The following NFASC variants were observed in gnomAD, a reference collection of about 807,000 sequenced individuals.
NFASC encodes neurofascin homolog.
A neutral mutation model predicts 147.5 loss-of-function variants in NFASC; 43 were observed. The ratio of observed to expected loss-of-function variants is 0.29; its 90% CI spans 0.23 to 0.38. The LOEUF (loss-of-function observed/expected upper bound fraction) is 0.38, where lower values mean the gene tolerates loss of function less well. Among genes scored for constraint, NFASC ranks in the 10% least tolerant of loss-of-function variants. NFASC has a pLI of 1.00. For synonymous variants in NFASC, 622 were observed against 665.5 expected, an observed-to-expected ratio of 0.93 and a Z score of 1.01; for missense variants, 1,320 against 1,689.0, an observed-to-expected ratio of 0.78 and a Z score of 3.83.
chr1:204,865,082 G>A lies in NFASC; in HGVS notation c.-200+36300G>A, dbSNP rs116916677. On this transcript the variant is annotated intron_variant, in intron 1 of 29. Coordinates refer to ENST00000339876, the MANE Select transcript of NFASC (RefSeq NM_001005388.3). ...TGGTTTTAGCACTCATATTTGGGTTGTTGACCCATTTTTGACTCAGTTTTT... is the reference window on the plus strand; with the variant it reads ...TGGTTTTAGCACTCATATTTGGGTTATTGACCCATTTTTGACTCAGTTTTT... 2.1e-3 allele frequency among the ~76,000 whole-genome samples: 322 copies of A among 152,156 alleles called. 7 individuals are homozygous for A. Among genetic ancestry groups the A allele is most frequent in the East Asian group, 0.016 (85 of 5,184 alleles).
chr1:204,916,185 C>T (rs1233240291), intron 1 of NFASC, among the ~76,000 whole-genome samples: 2 of 152,158 alleles, frequency 1.3e-5, no homozygotes, highest in African/African-American at 4.8e-5. Flanking sequence ...TTGCTGTGAC[C>T]CAGAGCTGCT....
intron 2 of NFASC, among the ~76,000 whole-genome samples, chr1:204,943,319 A>G (rs1488124038): frequency 6.6e-6 from 1 of 152,178 alleles, no homozygotes; most frequent in Non-Finnish European, 1.5e-5. Context: ...GAGGAGGAGA[A>G]GAAAGGTTTG....
At chr1:204,953,607 C>T (rs903812479) in intron 5 of NFASC, among the ~76,000 whole-genome samples, 8 of 152,306 alleles carry the variant, frequency 5.3e-5, no homozygotes, top group African/African-American at 1.9e-4. Context: ...AAAGCTGCCA[C>T]TCTTGGGCTA....
At chr1:204,908,040 G>T (rs2149288760) in intron 1 of NFASC, among the ~76,000 whole-genome samples, 1 of 152,224 alleles carries the variant, frequency 6.6e-6, no homozygotes, top group Middle Eastern at 3.4e-3. Flanking sequence ...AGAGTGCAGT[G>T]GTGCAACCAT....
At chr1:205,006,389 C>T (rs949513799) in intron 27 of NFASC, among the ~76,000 whole-genome samples, 26 of 152,186 alleles carry the variant, frequency 1.7e-4, no homozygotes, top group Non-Finnish European at 3.1e-4. Flanking sequence ...CACTGCATGG[C>T]GCAGCTGGGG....
At chr1:204,907,780 G>T (rs1406421446) in intron 1 of NFASC, among the ~76,000 whole-genome samples, 3 of 152,202 alleles carry the variant, frequency 2.0e-5, no homozygotes, top group Admixed American at 6.5e-5. Context: ...CTTAGCAAAA[G>T]AAGTTATCAA....
chr1:204,867,387 A>G (rs1343413622), intron 1 of NFASC, among the ~76,000 whole-genome samples: 2 of 149,134 alleles, frequency 1.3e-5, no homozygotes, highest in Non-Finnish European at 3.0e-5. Context: ...ATCAAAACAC[A>G]TAGTCATACT....
chr1:204,884,332 C>T (rs1241066630), intron 1 of NFASC, among the ~76,000 whole-genome samples: 1 of 152,100 alleles, frequency 6.6e-6, no homozygotes, highest in Non-Finnish European at 1.5e-5. Context: ...GCTGCTTTTT[C>T]CACCTCCCTC....
intron 1 of NFASC, among the ~76,000 whole-genome samples, chr1:204,877,010 A>ATATATATATATAATATATATT (rs2078968371): frequency 9.0e-6 from 1 of 111,030 alleles, no homozygotes; most frequent in African/African-American, 4.1e-5. Context: ...ATATATATAT[A>ATATATATATATAATATATATT]TATATATATA....
At chr1:204,847,326 TA>T (rs2075268262) in intron 1 of NFASC, among the ~76,000 whole-genome samples, 3 of 152,214 alleles carry the variant, frequency 2.0e-5, no homozygotes, top group African/African-American at 7.2e-5. Context: ...ACATTCTACT[TA>T]CGACATTTTT....
chr1:204,877,508 G>C (rs1287032190), intron 1 of NFASC, among the ~76,000 whole-genome samples: 4 of 152,092 alleles, frequency 2.6e-5, no homozygotes, highest in African/African-American at 9.7e-5. Flanking sequence ...CTTTAGGAAG[G>C]AAACTCTGAT....
intron 2 of NFASC, among the ~76,000 whole-genome samples, chr1:204,923,068 G>A (rs1441319292): frequency 6.6e-6 from 1 of 152,200 alleles, no homozygotes; most frequent in Admixed American, 6.5e-5. Context: ...AAAGGGCCTG[G>A]ATTCAAATCC....
At chr1:204,923,129 C>T (rs932826964) in intron 2 of NFASC, among the ~76,000 whole-genome samples, 1 of 152,232 alleles carries the variant, frequency 6.6e-6, no homozygotes, top group African/African-American at 2.4e-5. Flanking sequence ...TTGGGGCTGG[C>T]TGTGTATTTA....
chr1:204,968,420 T>A lies in NFASC; in HGVS notation c.818+60T>A. On this transcript the variant is annotated intron_variant, in intron 9 of 29. Coordinates refer to ENST00000339876, the MANE Select transcript of NFASC (RefSeq NM_001005388.3). This position sits in a 1 kb window ranked among gnomAD's most constrained non-coding sequence, Gnocchi z 5.4. ...CTCCAGGAGGATGGGGATGGGAGCT[T>A]GTTCATGCTCTTGTTAATGCCACAT... 5.5e-6 allele frequency: 7 copies of A among 1,276,596 alleles called. No homozygotes were observed. Among genetic ancestry groups the A allele is most frequent in the Non-Finnish European group, 8.0e-6 (7 of 875,166 alleles). 79.1% of individuals were successfully genotyped at this position (1,276,596 alleles called of 1,614,324 possible).
intron 16 of NFASC, chr1:204,977,231 A>T (rs2095425677): frequency 4.2e-6 from 2 of 474,988 alleles, no homozygotes; most frequent in African/African-American, 2.1e-5. Context: ...GTAGCGTTTC[A>T]TCACATGCTA....
At chr1:204,926,722 A>G (rs185756921) in intron 2 of NFASC, among the ~76,000 whole-genome samples, 2 of 151,366 alleles carry the variant, frequency 1.3e-5, no homozygotes, top group Admixed American at 1.3e-4. Context: ...CCTTATTACT[A>G]TTTTTAAATG....
chr1:204,983,145 C>T (rs1240263033), intron 21 of NFASC, among the ~76,000 whole-genome samples: 5 of 152,210 alleles, frequency 3.3e-5, no homozygotes, highest in South Asian at 4.1e-4. Flanking sequence ...TTCCATTGCA[C>T]GCTTCTACCC....
chr1:204,832,884 C>T (rs1202903282), intron 1 of NFASC, among the ~76,000 whole-genome samples: 1 of 152,222 alleles, frequency 6.6e-6, no homozygotes, highest in Non-Finnish European at 1.5e-5. Context: ...AGACCCCTGC[C>T]TTGGCTTGAG....
At chr1:204,836,089 A>G (rs1260687940) in intron 1 of NFASC, among the ~76,000 whole-genome samples, 1 of 152,146 alleles carries the variant, frequency 6.6e-6, no homozygotes, top group Admixed American at 6.5e-5. Flanking sequence ...AGAGAATTTC[A>G]TCACTCTTTT....
Sources: gnomAD v4.1 joint callset for allele counts (sites outside exome capture counted in the v4.1 genomes callset) on GRCh38, gnomAD v4.1.1 for gene constraint, Gnocchi (gnomAD v3.1) non-coding constraint, MANE v1.5 for transcripts, NCBI Gene and HGNC (gene_info 2026-07-23, HGNC 2026-07-21) for gene names.